Variants in ADCY8 observed in about 807,000 individuals in gnomAD.
The protein encoded by ADCY8 is adenylate cyclase 8, also known as adenylate cyclase type 8.
A neutral mutation model predicts 119.7 loss-of-function variants in ADCY8; 51 were observed. The ratio of observed to expected loss-of-function variants is 0.43; its 90% CI spans 0.34 to 0.54. ADCY8 has a LOEUF of 0.54. Among genes scored for constraint, ADCY8 ranks in the 20% least tolerant of loss-of-function variants. ADCY8 has a pLI of 0.03. For missense variants in ADCY8, 1,383 were observed against 1,598.8 expected (o/e 0.87, Z 2.30); for synonymous variants, 665 against 651.0 (o/e 1.02, Z -0.33).
At position 130,980,313 on chromosome 8, in the gene ADCY8, T is replaced by G. The variant is rs370695592; in HGVS notation, c.1110+10080A>C. 6.6e-5 allele frequency among the ~76,000 whole-genome samples: 10 copies of G among 152,162 alleles called. 1 individual carries two copies. The East Asian group carries it at 1.2e-3, about 18-fold the overall frequency. Reference sequence around the variant, plus strand: ...TCACATTTTGAGGTTCGGGGGAACATGCATTTTAGGGGGACACTATTCAAC... The same window carrying G: ...TCACATTTTGAGGTTCGGGGGAACAGGCATTTTAGGGGGACACTATTCAAC... On this transcript the variant is annotated intron_variant, in intron 2 of 17. Coordinates refer to ENST00000286355, the MANE Select transcript of ADCY8 (RefSeq NM_001115.3).
At chr8:130,849,558 C>T in intron 10 of ADCY8, 44 bp downstream of exon 10, 1 of 1,602,272 alleles carries the variant, frequency 6.2e-7, no homozygotes, top group Non-Finnish European at 8.5e-7. Flanking sequence ...TCATGCTCAA[C>T]TGCACACTAG....
intron 2 of ADCY8, among the ~76,000 whole-genome samples, chr8:130,976,001 A>C (rs1285586690): frequency 6.7e-6 from 1 of 148,874 alleles, no homozygotes; most frequent in Admixed American, 6.6e-5. Context: ...AAGCTACTAA[A>C]ATATTACTTC....
intron 8 of ADCY8, among the ~76,000 whole-genome samples, chr8:130,879,806 A>G (rs17248206): frequency 0.32 from 48,135 of 152,090 alleles, 8,907 homozygotes; most frequent in East Asian, 0.58. Context: ...GTTTAACACT[A>G]TGTTACGAAG....
In ADCY8 at chr8:130,859,533, A is replaced by G. The variant is rs776896037; in HGVS notation, c.2210+8313T>C. Among the ~76,000 whole-genome samples the G allele has an allele frequency of 2.6e-5, 4 of 152,220 alleles. 1 individual carries two copies. The South Asian group carries it at 8.3e-4, about 32-fold the overall frequency. On this transcript the variant is annotated intron_variant, in intron 9 of 17. Coordinates refer to ENST00000286355, the MANE Select transcript of ADCY8 (RefSeq NM_001115.3). ...ACTTCTCTCATTTTCAAAGCTACTT[A>G]GTACACCATTTTACTCCCCACATCC...
intron 1 of ADCY8, among the ~76,000 whole-genome samples, chr8:131,014,043 A>G (rs773952146): frequency 2.6e-4 from 39 of 152,230 alleles, no homozygotes; most frequent in Non-Finnish European, 5.0e-4. Context: ...AAATAACTTT[A>G]CAAAGTTTCT....
intron 5 of ADCY8, among the ~76,000 whole-genome samples, chr8:130,922,495 A>G (rs1820342470): frequency 6.6e-6 from 1 of 152,152 alleles, no homozygotes; most frequent in Admixed American, 6.5e-5. Context: ...GAGTGGACAC[A>G]GCACATGTTT....
chr8:131,000,591 G>A (rs912441288), intron 1 of ADCY8, among the ~76,000 whole-genome samples: 23 of 152,080 alleles, frequency 1.5e-4, no homozygotes, highest in African/African-American at 5.1e-4. Flanking sequence ...ACTGAAGCTC[G>A]AAGTTTAGTC....
chr8:130,911,508 T>TA, intron 5 of ADCY8, among the ~76,000 whole-genome samples: 1 of 132,654 alleles, frequency 7.5e-6, no homozygotes, highest in African/African-American at 2.5e-5. Context: ...CACAAACTAT[T>TA]AAAAATTTTT....
intron 9 of ADCY8, among the ~76,000 whole-genome samples, chr8:130,858,789 T>C (rs1817830516): frequency 6.6e-6 from 1 of 152,216 alleles, no homozygotes; most frequent in Non-Finnish European, 1.5e-5. Context: ...TTGTGGATTA[T>C]AAATAAATAT....
chr8:130,806,402 T>C (rs1224604554), intron 14 of ADCY8, among the ~76,000 whole-genome samples: 1 of 152,184 alleles, frequency 6.6e-6, no homozygotes, highest in Non-Finnish European at 1.5e-5. Flanking sequence ...TTATCCCTAT[T>C]GCTTCAATTA....
At chr8:130,803,756 G>A (rs1815856026) in intron 14 of ADCY8, among the ~76,000 whole-genome samples, 1 of 152,162 alleles carries the variant, frequency 6.6e-6, no homozygotes, top group African/African-American at 2.4e-5. Flanking sequence ...GACTCCCAAG[G>A]CCTTTCCCTG....
intron 12 of ADCY8, among the ~76,000 whole-genome samples, chr8:130,835,053 T>G (rs967277313): frequency 3.3e-5 from 5 of 152,176 alleles, no homozygotes; most frequent in Admixed American, 2.0e-4. Context: ...ACATTCATAT[T>G]ATTAGTTCTG....
At chr8:131,014,526 A>AT (rs147750721) in intron 1 of ADCY8, among the ~76,000 whole-genome samples, 18,393 of 151,958 alleles carry the variant, frequency 0.12, 2,281 homozygotes, top group African/African-American at 0.32. Flanking sequence ...CTATTTTACC[A>AT]TTTTTTTTAA....
At chr8:130,868,688 G>A (rs563627586) in intron 8 of ADCY8, among the ~76,000 whole-genome samples, 48 of 152,290 alleles carry the variant, frequency 3.2e-4, no homozygotes, top group African/African-American at 1.1e-3. Flanking sequence ...CAGAAGGTGG[G>A]AAAGTTTTTA....
At chr8:130,895,941 A>C (rs1819373388) in intron 7 of ADCY8, among the ~76,000 whole-genome samples, 1 of 152,146 alleles carries the variant, frequency 6.6e-6, no homozygotes, top group African/African-American at 2.4e-5. Context: ...AGGTGTTTTT[A>C]GGGGGAGGAA....
At chr8:130,999,909 G>T (rs1202775026) in intron 1 of ADCY8, among the ~76,000 whole-genome samples, 1 of 152,088 alleles carries the variant, frequency 6.6e-6, no homozygotes, top group East Asian at 1.9e-4. Context: ...TTTCTTTTGT[G>T]GATCTTTTAC....
chr8:131,019,639 C>T (rs1184636990), intron 1 of ADCY8, among the ~76,000 whole-genome samples: 2 of 152,142 alleles, frequency 1.3e-5, no homozygotes, highest in East Asian at 3.9e-4. Flanking sequence ...GCCTTTAGCA[C>T]CAGCCTTGGG....
intron 13 of ADCY8, among the ~76,000 whole-genome samples, chr8:130,817,207 T>G (rs1318682749): frequency 6.6e-6 from 1 of 152,194 alleles, no homozygotes; most frequent in African/African-American, 2.4e-5. Flanking sequence ...ACTGGAATTT[T>G]GGGGAAGAGA....
chr8:131,003,404 T>A (rs113307032), intron 1 of ADCY8, among the ~76,000 whole-genome samples: 1 of 152,304 alleles, frequency 6.6e-6, no homozygotes, highest in East Asian at 1.9e-4. Context: ...GTTTAAGATA[T>A]CAACATATTC....
Sources: allele counts gnomAD v4.1 joint callset (sites outside exome capture counted in the v4.1 genomes callset), GRCh38; gene constraint gnomAD v4.1.1; transcripts MANE v1.5; gene names NCBI Gene and HGNC (gene_info 2026-07-23, HGNC 2026-07-21).